Variants in TRIM37 observed in about 807,000 individuals in gnomAD.
TRIM37 encodes E3 ubiquitin-protein ligase TRIM37.
A neutral mutation model predicts 129.8 loss-of-function variants in TRIM37; 80 were observed. The ratio of observed to expected loss-of-function variants is 0.62; its 90% CI spans 0.51 to 0.74. TRIM37 has a LOEUF of 0.74. Ranked by LOEUF, TRIM37 falls within the 30% of genes least tolerant of loss-of-function variation. The pLI, the probability that TRIM37 is intolerant of heterozygous loss-of-function variation, is 0.00. For synonymous variants in TRIM37, 389 were observed against 387.1 expected, an observed-to-expected ratio of 1.00 and a Z score of -0.06; for missense variants, 1,054 against 1,176.5, an observed-to-expected ratio of 0.90 and a Z score of 1.52.
chr17:59,095,770 G>C (rs1023049187), intron 2 of TRIM37, among the ~76,000 whole-genome samples: 1 of 152,198 alleles, frequency 6.6e-6, no homozygotes, highest in Non-Finnish European at 1.5e-5. Context: ...TCAGGCAGGA[G>C]AGCAGTGGCC....
Position 58,998,623 on chromosome 17 carries a change from T to G in TRIM37, c.*754A>C. The G allele has an allele frequency of 1.0e-6, 1 of 985,444 alleles. No individual in the cohort carries two copies. The highest frequency in any genetic ancestry group is 1.2e-6 in the Non-Finnish European group (1 of 829,912). The allele number at this position is 985,444 out of a possible 1,614,324, so 61.0% of individuals were successfully genotyped here. A position where few individuals can be genotyped will look rare whatever the true frequency, so the allele number is the denominator to read the frequency against. On this transcript the variant is annotated 3_prime_UTR_variant, in exon 24 of 24. Coordinates refer to ENST00000262294, the MANE Select transcript of TRIM37 (RefSeq NM_015294.6). ...GAAGAAAAGGGGGCTTTAAAATATT[T>G]GTTGCACTACAGTCGTATAGTAAGA...
chr17:59,091,398 T>A (rs548821550), intron 2 of TRIM37, 58 bp from the exon 3 acceptor site: 25 of 590,632 alleles, frequency 4.2e-5, no homozygotes, highest in Middle Eastern at 4.4e-4. Flanking sequence ...ATATATATAT[T>A]ACTTAATATT....
At position 59,070,877 on chromosome 17, in the gene TRIM37, T is replaced by C. The variant is rs1375092180; in HGVS notation, c.755A>G (p.His252Arg). The C allele has an allele frequency of 6.2e-6, 10 of 1,613,988 alleles. No individual in the cohort carries two copies. The highest frequency in any genetic ancestry group is 8.5e-6 in the Non-Finnish European group (10 of 1,179,990). Reference protein sequence around the residue: ...SEILMMFQQVHRKPMASFVTT... With the variant: ...SEILMMFQQVRRKPMASFVTT... ...AACAAAAGATGCCATGGGCTTCCGA[T>C]GAACTTGCTGAAACATCATAAGGAT... The change falls in exon 9 of 24, where the codon CAT becomes CGT. Residue 252 changes from histidine to arginine, a missense_variant. This residue lies in a region of TRIM37 where 752 missense variants were observed against 870.8 expected (regional missense o/e 0.86). Transcript: ENST00000262294.
intron 3 of TRIM37, 109 bp from the exon 4 acceptor site, chr17:59,088,516 T>A (rs568757034): frequency 5.3e-6 from 4 of 749,428 alleles, no homozygotes; most frequent in East Asian, 5.3e-5. Context: ...ACCATAACAC[T>A]ATTTTTTTTT....
chr17:59,042,455 T>TATATATATAC (rs1568066696), intron 16 of TRIM37, among the ~76,000 whole-genome samples: 7 of 67,024 alleles, frequency 1.0e-4, no homozygotes, highest in African/African-American at 2.6e-4. Flanking sequence ...AAAAAATATA[T>TATATATATAC]ATATATATAT....
chr17:59,012,312 G>A lies in TRIM37; in HGVS notation c.2695+16C>T, dbSNP rs763529931. ...ATTCTCATTTCCTGCTTACTTATAA[G>A]TTTATCATTCCTTACCTTCTTCAGG... is the stretch of plus-strand genomic sequence containing the variant. On this transcript the variant is annotated intron_variant, in intron 22 of 23. Transcript: ENST00000262294. The A allele has an allele frequency of 8.0e-6, 12 of 1,495,578 alleles. No homozygotes were observed. Among genetic ancestry groups the A allele is most frequent in the Non-Finnish European group, 1.1e-5 (12 of 1,093,408 alleles). The allele number at this position is 1,495,578 out of a possible 1,614,324, so 92.6% of individuals were successfully genotyped here.
intron 8 of TRIM37, among the ~76,000 whole-genome samples, chr17:59,072,241 T>C (rs1184943764): frequency 1.3e-5 from 2 of 152,150 alleles, no homozygotes; most frequent in Non-Finnish European, 2.9e-5. Flanking sequence ...AACACCTGAA[T>C]CTTAGACTTC....
chr17:59,025,414 C>T (rs1213162997), intron 19 of TRIM37, among the ~76,000 whole-genome samples: 1 of 150,746 alleles, frequency 6.6e-6, no homozygotes, highest in South Asian at 2.1e-4. Context: ...ATATTCATGT[C>T]ATGAATGTTA....
intron 17 of TRIM37, among the ~76,000 whole-genome samples, chr17:59,037,557 C>CAAAAAAAAAAAAAAAAAAA (rs58856834): frequency 1.4e-4 from 10 of 74,036 alleles, no homozygotes; most frequent in African/African-American, 2.5e-4. Flanking sequence ...GACTCTGTCT[C>CAAAAAAAAAAAAAAAAAAA]AAAAAAAAAA....
intron 24 of TRIM37, chr17:58,983,360 A>G (rs2031497562): frequency 6.4e-6 from 1 of 156,860 alleles, no homozygotes; most frequent in African/African-American, 2.4e-5. Context: ...TCTATAATAC[A>G]TACTAAAATA....
chr17:59,051,461 T>G (rs1205277026), intron 13 of TRIM37, 133 bp from the exon 14 acceptor site: 1 of 701,470 alleles, frequency 1.4e-6, no homozygotes, highest in Non-Finnish European at 2.6e-6. Flanking sequence ...TGCTAGTATT[T>G]GTTGTTTATA....
At chr17:59,079,050 C>CA (rs745652753) in intron 7 of TRIM37, among the ~76,000 whole-genome samples, 2,553 of 91,910 alleles carry the variant, frequency 0.028, 59 homozygotes, top group African/African-American at 0.086. Context: ...TCAAGATAGC[C>CA]AAAAAAAAAA....
chr17:59,058,443 T>C (rs1322499180), intron 12 of TRIM37, among the ~76,000 whole-genome samples: 1 of 152,182 alleles, frequency 6.6e-6, no homozygotes, highest in East Asian at 1.9e-4. Flanking sequence ...CTGGGCTTAA[T>C]TCCTGGGTGA....
chr17:59,045,655 A>T (rs2039714649), intron 16 of TRIM37, among the ~76,000 whole-genome samples: 1 of 151,742 alleles, frequency 6.6e-6, no homozygotes, highest in Admixed American at 6.6e-5. Flanking sequence ...AAAAAAAAGA[A>T]AAAAGAAAAA....
At chr17:59,088,521 T>A (rs2043982193) in intron 3 of TRIM37, 114 bp from the exon 4 acceptor site, 2 of 741,596 alleles carry the variant, frequency 2.7e-6, no homozygotes, top group South Asian at 3.1e-5. Flanking sequence ...AACACTATTT[T>A]TTTTTTTTAA....
intron 16 of TRIM37, among the ~76,000 whole-genome samples, chr17:59,042,447 A>C (rs1464221822): frequency 2.6e-5 from 1 of 38,986 alleles, no homozygotes. Flanking sequence ...AAAAAAAAAA[A>C]AAATATATAT....
intron 2 of TRIM37, among the ~76,000 whole-genome samples, chr17:59,100,397 T>A (rs2045347146): frequency 6.6e-6 from 1 of 152,150 alleles, no homozygotes; most frequent in Admixed American, 6.5e-5. Context: ...ATACATACAA[T>A]GGAATACTAC....
Position 59,049,448 on chromosome 17 carries a change from G to C in TRIM37, c.1315-55C>G, listed in dbSNP as rs1052705653. 2.1e-6 allele frequency: 3 copies of C among 1,459,934 alleles called. No homozygotes were observed. The Admixed American group carries it at 5.1e-5, about 25-fold the overall frequency. 90.4% of individuals were successfully genotyped at this position (1,459,934 alleles called of 1,614,324 possible). On this transcript the variant is annotated intron_variant, in intron 14 of 23. Transcript: ENST00000262294. ...GCCACAGCTCACTGGCACAGTAAAA[G>C]ATGTCTCAAGTGAAAAAAAAATGCA...
intron 23 of TRIM37, among the ~76,000 whole-genome samples, chr17:59,001,056 G>C (rs189587929): frequency 3.3e-5 from 5 of 152,082 alleles, no homozygotes; most frequent in East Asian, 1.9e-4. Context: ...TTAGCCAGGC[G>C]TGGTGGTGTA....
Sources: gnomAD v4.1 joint callset for allele counts (sites outside exome capture counted in the v4.1 genomes callset) on GRCh38, gnomAD v4.1.1 for gene constraint, gnomAD v4.1.1 regional missense constraint, MANE v1.5 for transcripts, NCBI Gene and HGNC (gene_info 2026-07-23, HGNC 2026-07-21) for gene names.